The following RBM33 variants were observed in gnomAD, a reference collection of about 807,000 sequenced individuals.
The protein encoded by RBM33 is RNA binding motif protein 33, also known as RNA-binding protein 33.
A neutral mutation model predicts 132.6 loss-of-function variants in RBM33; 28 were observed. The observed-to-expected ratio is 0.21, with a 90% CI of 0.16 to 0.29. RBM33 has a LOEUF of 0.29. Ranked by LOEUF, RBM33 falls within the 10% of genes least tolerant of loss-of-function variation. The pLI is 1.00. For missense variants in RBM33, 1,291 were observed against 1,518.5 expected (o/e 0.85, Z 2.49); for synonymous variants, 634 against 593.0 (o/e 1.07, Z -1.01).
intron 14 of RBM33, among the ~76,000 whole-genome samples, chr7:155,748,945 T>C (rs1220357449): frequency 6.6e-6 from 1 of 152,220 alleles, no homozygotes; most frequent in Non-Finnish European, 1.5e-5. Context: ...GCATTGCGTT[T>C]TGCCGTTGGC....
In RBM33 at chr7:155,644,913, G is replaced by C. The variant is rs1188445618; in HGVS notation, c.37G>C (p.Ala13Pro). Residue 13 changes from alanine (A) to proline (P), a missense_variant, in exon 1 of 18, where the codon GCC (alanine) becomes CCC (proline). Transcript: ENST00000401878. ...AALGASGGAG[A>P]GDDDFDQFDK... ...CCTGGGAGCGAGCGGAGGAGCAGGC[G>C]CCGGAGGTACGTGAGGCAGCCGGAC... 1 of 1,499,360 alleles carries C rather than the reference G, an allele frequency of 6.7e-7. No individual in the cohort carries two copies. Among genetic ancestry groups the C allele is most frequent in the Non-Finnish European group, 8.8e-7 (1 of 1,130,326 alleles). The allele number at this position is 1,499,360 out of a possible 1,614,324, so 92.9% of individuals were successfully genotyped here.
At chr7:155,740,154 A>G (rs1801283393) in intron 12 of RBM33, 128 bp downstream of exon 12, 1 of 1,280,050 alleles carries the variant, frequency 7.8e-7, no homozygotes, top group African/African-American at 1.5e-5. Context: ...TGTGTAGTAC[A>G]TAGTTCTGAA....
intron 1 of RBM33, among the ~76,000 whole-genome samples, chr7:155,656,926 T>C (rs191880331): frequency 6.6e-6 from 1 of 152,192 alleles, no homozygotes; most frequent in Admixed American, 6.5e-5. Flanking sequence ...TTACTGTTTG[T>C]CTTTTCTTAC....
At chr7:155,687,711 C>T (rs1209186025) in intron 5 of RBM33, among the ~76,000 whole-genome samples, 2 of 152,188 alleles carry the variant, frequency 1.3e-5, no homozygotes. Flanking sequence ...CCAGTTTTCC[C>T]AGCACCATTT....
intron 5 of RBM33, among the ~76,000 whole-genome samples, chr7:155,691,069 A>G (rs1277465419): frequency 2.0e-5 from 3 of 152,344 alleles, no homozygotes; most frequent in African/African-American, 4.8e-5. Flanking sequence ...GTGTTTTCCA[A>G]CTTGGTTCCA....
intron 1 of RBM33, among the ~76,000 whole-genome samples, chr7:155,647,022 G>A (rs920636100): frequency 3.9e-5 from 6 of 152,240 alleles, no homozygotes; most frequent in African/African-American, 1.4e-4. Flanking sequence ...TTAGCTTGGA[G>A]AAATATTTAC....
At chr7:155,750,121 CCTGA>C (rs1318322667) in intron 14 of RBM33, among the ~76,000 whole-genome samples, 2 of 152,136 alleles carry the variant, frequency 1.3e-5, no homozygotes, top group African/African-American at 2.4e-5. Flanking sequence ...TATGTGCCTT[CCTGA>C]CTATTAAGTA....
chr7:155,690,169 A>G (rs1422621738), intron 5 of RBM33, among the ~76,000 whole-genome samples: 3 of 152,206 alleles, frequency 2.0e-5, no homozygotes, highest in Non-Finnish European at 2.9e-5. Context: ...TTGGGTGCAC[A>G]TATGTGTAGG....
At chr7:155,722,512 TTC>T (rs1207099580) in intron 9 of RBM33, among the ~76,000 whole-genome samples, 3 of 152,268 alleles carry the variant, frequency 2.0e-5, no homozygotes, top group Admixed American at 6.5e-5. Flanking sequence ...TCTAATTGGT[TTC>T]TCTTTCTGCA....
intron 9 of RBM33, among the ~76,000 whole-genome samples, chr7:155,724,396 C>T (rs1010531231): frequency 1.1e-4 from 17 of 152,032 alleles, no homozygotes; most frequent in African/African-American, 3.6e-4. Context: ...GGCATGGTGG[C>T]GGGTGCCTGT....
intron 3 of RBM33, among the ~76,000 whole-genome samples, chr7:155,676,111 A>G (rs1799177877): frequency 6.6e-6 from 1 of 152,206 alleles, no homozygotes; most frequent in Non-Finnish European, 1.5e-5. Context: ...GAAATGCACA[A>G]TGATGAGCCT....
intron 5 of RBM33, among the ~76,000 whole-genome samples, chr7:155,684,421 C>A (rs546201062): frequency 3.3e-5 from 5 of 152,126 alleles, no homozygotes; most frequent in Non-Finnish European, 7.4e-5. Flanking sequence ...GCTAATACGC[C>A]CCTTAAGTTT....
chr7:155,731,883 G>A (rs180950381), intron 9 of RBM33, among the ~76,000 whole-genome samples: 1 of 152,268 alleles, frequency 6.6e-6, no homozygotes, highest in East Asian at 1.9e-4. Context: ...TCTAAGCCCA[G>A]TAAGAAAAGG....
chr7:155,711,882 C>T (rs527580756), intron 8 of RBM33, among the ~76,000 whole-genome samples: 1 of 152,326 alleles, frequency 6.6e-6, no homozygotes, highest in Admixed American at 6.5e-5. Context: ...CATCTGAAGG[C>T]ATTTATTAGT....
rs368062800 is a variant in RBM33 at position 155,734,509 on chromosome 7, A to T, written c.1261-3021A>T. ...TGTCATACCCATTTTTCATTTGAAG[A>T]GTTTGCATTTGAGTGATTTTTACTT... On this transcript the variant is annotated intron_variant, in intron 9 of 17. Coordinates refer to ENST00000401878, the MANE Select transcript of RBM33 (RefSeq NM_053043.3). Among the ~76,000 whole-genome samples the T allele has an allele frequency of 1.6e-4, 24 of 152,168 alleles. No homozygotes were observed. The East Asian group carries it at 4.4e-3, about 28-fold the overall frequency.
chr7:155,731,526 A>T (rs1800956196), intron 9 of RBM33, among the ~76,000 whole-genome samples: 1 of 152,112 alleles, frequency 6.6e-6, no homozygotes. Flanking sequence ...AATAACCAAG[A>T]CGTTGACCAA....
At position 155,766,512 on chromosome 7, in the gene RBM33, C is replaced by G. The variant is rs761712785; in HGVS notation, c.3232C>G (p.Arg1078Gly). The change falls in exon 16 of 18, where the codon CGG becomes GGG. Residue 1078 changes from arginine (R) to glycine (G), a missense_variant. Coordinates refer to ENST00000401878, the MANE Select transcript of RBM33 (RefSeq NM_053043.3). ...RGRGVAGPMG[R>G]GRLMPNKQNL... ...CAGAGGAGTGGCCGGTCCCATGGGC[C>G]GGGGGCGCCTGATGCCAAACAAGCA... The G allele has an allele frequency of 2.5e-6, 4 of 1,613,680 alleles. No homozygotes were observed. In the Admixed American group the frequency reaches 5.0e-5, roughly 20 times the overall value.
At chr7:155,731,134 G>A (rs1800943700) in intron 9 of RBM33, among the ~76,000 whole-genome samples, 1 of 152,214 alleles carries the variant, frequency 6.6e-6, no homozygotes, top group Non-Finnish European at 1.5e-5. Flanking sequence ...TCAGAGTGGA[G>A]TGGAGGCCAG....
chr7:155,749,480 T>C (rs1162857152), intron 14 of RBM33, among the ~76,000 whole-genome samples: 1 of 152,224 alleles, frequency 6.6e-6, no homozygotes, highest in East Asian at 1.9e-4. Flanking sequence ...TCTATGATAG[T>C]TGTCTATTTT....
Sources: allele counts gnomAD v4.1 joint callset (sites outside exome capture counted in the v4.1 genomes callset), GRCh38; gene constraint gnomAD v4.1.1; transcripts MANE v1.5; gene names NCBI Gene and HGNC (gene_info 2026-07-23, HGNC 2026-07-21).